The following GLG1 variants were observed in gnomAD, a reference collection of about 807,000 sequenced individuals.
The protein encoded by GLG1 is golgi glycoprotein 1, also known as Golgi apparatus protein 1.
GLG1 carries 38 observed loss-of-function variants against 160.5 expected under a neutral mutation model. The observed-to-expected ratio is 0.24, with a 90% CI of 0.18 to 0.31. The LOEUF is 0.31. Ranked by LOEUF, GLG1 falls within the 10% of genes least tolerant of loss-of-function variation. GLG1 has a pLI of 1.00. For synonymous variants in GLG1, 644 were observed against 543.4 expected, an observed-to-expected ratio of 1.19 and a Z score of -2.57; for missense variants, 1,373 against 1,505.2, an observed-to-expected ratio of 0.91 and a Z score of 1.45.
intron 17 of GLG1, chr16:74,468,076 C>T: frequency 2.2e-6 from 1 of 461,916 alleles, no homozygotes; most frequent in Non-Finnish European, 3.8e-6. Flanking sequence ...CCTGAAACAC[C>T]TTATTTAGTC....
At chr16:74,603,046 T>C (rs2087471316) in intron 1 of GLG1, among the ~76,000 whole-genome samples, 2 of 151,918 alleles carry the variant, frequency 1.3e-5, no homozygotes, top group Admixed American at 1.3e-4. Flanking sequence ...GCCAAGATTG[T>C]GCCACTGCAC....
intron 19 of GLG1, among the ~76,000 whole-genome samples, chr16:74,464,502 C>T (rs768802458): frequency 3.3e-5 from 5 of 152,248 alleles, no homozygotes; most frequent in Admixed American, 6.5e-5. Context: ...TCAAGTGTCA[C>T]AGTGTCTGAT....
chr16:74,567,702 G>C (rs1344730136), intron 1 of GLG1, among the ~76,000 whole-genome samples: 1 of 151,144 alleles, frequency 6.6e-6, no homozygotes, highest in Non-Finnish European at 1.5e-5. Flanking sequence ...CCGAGTAGCT[G>C]GGACTACAGG....
chr16:74,457,801 T>C, intron 24 of GLG1, 73 bp downstream of exon 24: 4 of 1,415,758 alleles, frequency 2.8e-6, no homozygotes, highest in Non-Finnish European at 3.9e-6. Context: ...TAGCTGCAAC[T>C]GATGTCTAAG....
At chr16:74,531,091 G>A (rs16964349) in intron 2 of GLG1, among the ~76,000 whole-genome samples, 1,842 of 152,128 alleles carry the variant, frequency 0.012, 34 homozygotes, top group African/African-American at 0.042. Flanking sequence ...ACATCATTTG[G>A]GGTTGTGTCA....
intron 1 of GLG1, among the ~76,000 whole-genome samples, chr16:74,581,798 G>C (rs2143823542): frequency 6.6e-6 from 1 of 152,236 alleles, no homozygotes; most frequent in Middle Eastern, 3.4e-3. Flanking sequence ...TGTAATCCCA[G>C]CTACTCGGGA....
At chr16:74,527,480 C>T (rs1441225729) in intron 2 of GLG1, among the ~76,000 whole-genome samples, 1 of 151,902 alleles carries the variant, frequency 6.6e-6, no homozygotes, top group African/African-American at 2.4e-5. Flanking sequence ...GAACTCCTGA[C>T]CTGAGGTGAT....
intron 1 of GLG1, among the ~76,000 whole-genome samples, chr16:74,598,516 T>A (rs1203583549): frequency 6.8e-6 from 1 of 146,008 alleles, no homozygotes; most frequent in African/African-American, 2.5e-5. Context: ...TGAGACTCCA[T>A]CTCAAAAAAA....
At chr16:74,512,955 T>C (rs1434470846) in intron 2 of GLG1, among the ~76,000 whole-genome samples, 3 of 152,052 alleles carry the variant, frequency 2.0e-5, no homozygotes, top group African/African-American at 2.4e-5. Context: ...CTGACGGAGA[T>C]TGGGCTTCTA....
At chr16:74,502,330 CA>C (rs2016435150) in intron 4 of GLG1, among the ~76,000 whole-genome samples, 1 of 151,906 alleles carries the variant, frequency 6.6e-6, no homozygotes, top group African/African-American at 2.4e-5. Context: ...CAGACTAAGT[CA>C]AAAAATAAGA....
At position 74,459,670 on chromosome 16, in the gene GLG1, G is replaced by A. The variant is rs764811914; in HGVS notation, c.3144+12C>T. ...AGAAATGAAGTGAGGAAAAGAAGGT[G>A]ACGGTGGTTACCTTTTTACACAATT... On this transcript the variant is annotated intron_variant, in intron 23 of 25. Coordinates refer to ENST00000422840, the MANE Select transcript of GLG1 (RefSeq NM_001145667.2). 2 of 1,250,542 alleles carry A rather than the reference G, an allele frequency of 1.6e-6. No individual in the cohort carries two copies. Among genetic ancestry groups the A allele is most frequent in the African/African-American group, 1.5e-5 (1 of 66,706 alleles). 77.5% of individuals were successfully genotyped at this position (1,250,542 alleles called of 1,614,324 possible).
At chr16:74,462,691 T>C in intron 20 of GLG1, 61 bp from the exon 21 acceptor site, 3 of 1,494,484 alleles carry the variant, frequency 2.0e-6, no homozygotes, top group South Asian at 1.1e-5. Context: ...CATTTTTAGA[T>C]ATCCACCTTC....
At chr16:74,503,363 T>C (rs1168609383) in intron 4 of GLG1, among the ~76,000 whole-genome samples, 168 bp downstream of exon 4, 3 of 152,180 alleles carry the variant, frequency 2.0e-5, no homozygotes, top group Non-Finnish European at 4.4e-5. Context: ...TACAAACACA[T>C]GAAATACATT....
At chr16:74,570,456 G>T (rs1243449218) in intron 1 of GLG1, among the ~76,000 whole-genome samples, 1 of 151,524 alleles carries the variant, frequency 6.6e-6, no homozygotes, top group South Asian at 2.1e-4. Flanking sequence ...AAAGACAGTG[G>T]AATAAAAAAA....
At chr16:74,599,821 G>A (rs372899462) in intron 1 of GLG1, among the ~76,000 whole-genome samples, 2 of 151,536 alleles carry the variant, frequency 1.3e-5, no homozygotes, top group Admixed American at 1.3e-4. Flanking sequence ...CCGAGATCGC[G>A]CCACTGCACT....
rs1470558684 is a variant in GLG1, at chr16:74,472,403, T to A, written c.2061A>T (p.Gln687His). 6.2e-7 allele frequency: 1 copy of A among 1,606,668 alleles called. No individual in the cohort carries two copies. The highest frequency in any genetic ancestry group is 1.7e-5 in the Admixed American group (1 of 59,980). ...AGGCTCTCATCAGCAAGGCTTCTAT[T>A]TGAATATCCTGTAGAAAATTAAATA... ...NLTELESEDIQIEALLMRACE... is the reference protein window; with the variant it reads ...NLTELESEDIHIEALLMRACE... Residue 687 changes from glutamine (Q) to histidine (H), a missense_variant, in exon 14 of 26, where the codon CAA becomes CAT. Physicochemically the swap from Gln to His is conservative, Grantham distance 24. Around this residue, in one of 4 missense-constraint regions of GLG1, gnomAD observed 491 missense variants for 632.1 expected, o/e 0.78. Transcript: ENST00000422840.
rs768065883 is a variant in GLG1, at chr16:74,458,006, G to C, written c.3145-12C>G. The C allele has an allele frequency of 1.2e-6, 2 of 1,613,200 alleles. No individual in the cohort carries two copies. The highest frequency in any genetic ancestry group is 1.7e-5 in the Admixed American group (1 of 60,008). On this transcript the variant is annotated splice_polypyrimidine_tract_variant and intron_variant, in intron 23 of 25. Coordinates refer to ENST00000422840, the MANE Select transcript of GLG1 (RefSeq NM_001145667.2). ...ATGTTTAGCACTTCCTGGAAAGGGA[G>C]GGTCATTGCAGACAGAGCTTTTGAA...
intron 10 of GLG1, among the ~76,000 whole-genome samples, chr16:74,481,507 C>T (rs1324979599): frequency 1.3e-5 from 2 of 151,762 alleles, no homozygotes; most frequent in South Asian, 4.2e-4. Context: ...GAGGAGAAAA[C>T]GTGATTTTGA....
intron 20 of GLG1, 113 bp downstream of exon 20, chr16:74,463,243 C>G (rs2014870179): frequency 9.9e-7 from 1 of 1,007,302 alleles, no homozygotes; most frequent in Non-Finnish European, 1.5e-6. Context: ...TCAGACTCCT[C>G]CCTTAAAATT....
Sources: gnomAD v4.1 joint callset for allele counts (sites outside exome capture counted in the v4.1 genomes callset) on GRCh38, gnomAD v4.1.1 for gene constraint, gnomAD v4.1.1 regional missense constraint, MANE v1.5 for transcripts, NCBI Gene and HGNC (gene_info 2026-07-23, HGNC 2026-07-21) for gene names.